OPRL1: variants seen among roughly 807,000 people sequenced by gnomAD.
OPRL1 encodes the protein nociceptin receptor.
In OPRL1, 5 loss-of-function variants were observed where a neutral mutation model predicts 15.5. That is an observed-to-expected ratio of 0.32 (90% CI 0.17 to 0.68). The LOEUF is 0.68. Among genes scored for constraint, OPRL1 ranks in the 30% least tolerant of loss-of-function variants. The pLI, the probability that OPRL1 is intolerant of heterozygous loss-of-function variation, is 0.72. For missense variants in OPRL1, 406 were observed against 515.3 expected (o/e 0.79, Z 2.05); for synonymous variants, 223 against 230.2 (o/e 0.97, Z 0.28).
Position 64,083,695 on chromosome 20 carries a change from A to G in OPRL1, c.-185+3343A>G. The G allele has an allele frequency of 7.1e-7, 1 of 1,405,202 alleles. No individual in the cohort carries two copies. The highest frequency in any genetic ancestry group is 3.2e-5 in the Admixed American group (1 of 30,926). The allele number at this position is 1,405,202 out of a possible 1,614,324, so 87.0% of individuals were successfully genotyped here. A position where few individuals can be genotyped will look rare whatever the true frequency, so the allele number is the denominator to read the frequency against. The stretch of plus-strand genomic sequence containing the variant: ...CTTCTGCCGCTGGATGAGCAGCGCG[A>G]TCTCCTCGGCCTGCGGGGCCCGGGT... On this transcript the variant is annotated intron_variant, in intron 1 of 4. Coordinates refer to ENST00000336866, the MANE Select transcript of OPRL1 (RefSeq NM_182647.4). The surrounding 1 kb of genome is among the most constrained non-coding windows in gnomAD (Gnocchi z 4.9).
chr20:64,081,086 G>A (rs1261742875), intron 1 of OPRL1, among the ~76,000 whole-genome samples: 2 of 152,034 alleles, frequency 1.3e-5, no homozygotes, highest in Admixed American at 6.5e-5. Flanking sequence ...CTGGGTGAGA[G>A]GGGGGAGGGC....
At chr20:64,080,510 T>A (rs988786964) in intron 1 of OPRL1, among the ~76,000 whole-genome samples, 158 bp downstream of exon 1, 1 of 151,932 alleles carries the variant, frequency 6.6e-6, no homozygotes, top group African/African-American at 2.4e-5. Context: ...GCATCCGGAG[T>A]CATGCCGAAT....
Position 64,083,983 on chromosome 20 carries a change from G to C in OPRL1, c.-185+3631G>C, listed in dbSNP as rs2060007375. 8 of 1,477,522 alleles carry C rather than the reference G, an allele frequency of 5.4e-6. No homozygotes were observed. Among genetic ancestry groups the C allele is most frequent in the Non-Finnish European group, 7.1e-6 (8 of 1,122,282 alleles). 91.5% of individuals were successfully genotyped at this position (1,477,522 alleles called of 1,614,324 possible). A position where few individuals can be genotyped will look rare whatever the true frequency, so the allele number is the denominator to read the frequency against. On this transcript the variant is annotated intron_variant, in intron 1 of 4. Transcript: ENST00000336866. This position sits in a 1 kb window ranked among gnomAD's most constrained non-coding sequence, Gnocchi z 4.9. Reference sequence around the variant, plus strand: ...ACCCCGGTTCCACCGACCCGCACGGGAAGGTGGAGGCCGCCGCGCCCACGT... The same window carrying C: ...ACCCCGGTTCCACCGACCCGCACGGCAAGGTGGAGGCCGCCGCGCCCACGT...
At chr20:64,096,626 C>G (rs75078255) in intron 3 of OPRL1, among the ~76,000 whole-genome samples, 143 of 152,120 alleles carry the variant, frequency 9.4e-4, no homozygotes, top group Non-Finnish European at 1.5e-3. Flanking sequence ...TATTTCCTCA[C>G]GGCAGCTACA....
At chr20:64,095,445 C>T (rs1057157627) in intron 3 of OPRL1, among the ~76,000 whole-genome samples, 2 of 150,810 alleles carry the variant, frequency 1.3e-5, no homozygotes, top group African/African-American at 4.9e-5. Flanking sequence ...GTGGATTGGG[C>T]AGGTAGAAGA....
At position 64,098,818 on chromosome 20, in the gene OPRL1, A is replaced by C. The variant is rs770725062; in HGVS notation, c.*19A>C. 2 of 1,571,584 alleles carry C rather than the reference A, an allele frequency of 1.3e-6. No individual in the cohort carries two copies. ...CGCATGACTAGGCGTGGACCTGCCC[A>C]TGGTGCCTGTCAGCCCGCAGAGCCC... On this transcript the variant is annotated 3_prime_UTR_variant, in exon 5 of 5. Coordinates refer to ENST00000336866, the MANE Select transcript of OPRL1 (RefSeq NM_182647.4).
rs1316232051 is a variant in OPRL1 at position 64,083,713 on chromosome 20, G to T, written c.-185+3361G>T. 8 of 1,374,376 alleles carry T rather than the reference G, an allele frequency of 5.8e-6. No individual in the cohort carries two copies. Among genetic ancestry groups the T allele is most frequent in the African/African-American group, 1.5e-5 (1 of 65,184 alleles). The allele number at this position is 1,374,376 out of a possible 1,614,324, so 85.1% of individuals were successfully genotyped here. A position where few individuals can be genotyped will look rare whatever the true frequency, so the allele number is the denominator to read the frequency against. On this transcript the variant is annotated intron_variant, in intron 1 of 4. Transcript: ENST00000336866. The surrounding 1 kb of genome is among the most constrained non-coding windows in gnomAD (Gnocchi z 4.9). ...CAGCGCGATCTCCTCGGCCTGCGGG[G>T]CCCGGGTAGCTGAGCGCGCGCCGAG...
chr20:64,081,104 G>A (rs1414844741), intron 1 of OPRL1, among the ~76,000 whole-genome samples: 1 of 151,798 alleles, frequency 6.6e-6, no homozygotes, highest in Non-Finnish European at 1.5e-5. Flanking sequence ...GGCTGAGGAG[G>A]GGAGGGTATT....
At chr20:64,092,562 C>T (rs1196970157) in intron 2 of OPRL1, 126 bp from the exon 3 acceptor site, 12 of 651,260 alleles carry the variant, frequency 1.8e-5, no homozygotes, top group South Asian at 1.1e-4. Context: ...TGCCCGTGTG[C>T]CTCAGTGTCT....
Position 64,092,965 on chromosome 20 carries a change from C to T in OPRL1, c.233+12C>T. On this transcript the variant is annotated intron_variant, in intron 3 of 4. Transcript: ENST00000336866. ...TACGTCATCCTCAGGTAGGCTGGGC[C>T]CCAAGGTTCCTGTCTGGTGAGTCCC... The T allele has an allele frequency of 6.2e-7, 1 of 1,609,480 alleles. No homozygotes were observed. The highest frequency in any genetic ancestry group is 8.5e-7 in the Non-Finnish European group (1 of 1,177,274).
chr20:64,091,653 G>A (rs79805091), intron 1 of OPRL1, among the ~76,000 whole-genome samples: 2,763 of 152,256 alleles, frequency 0.018, 68 homozygotes, highest in African/African-American at 0.063. Context: ...CTGTGTCTCC[G>A]TGTGAGTCGT....
Position 64,088,690 on chromosome 20 carries a change from GC to G in OPRL1, c.-184-3275del, listed in dbSNP as rs1448753676. Among the ~76,000 whole-genome samples the G allele has an allele frequency of 5.3e-3, 705 of 134,242 alleles. 2 individuals carry two copies. The highest frequency in any genetic ancestry group is 6.2e-3 in the East Asian group (28 of 4,520). The allele number at this position is 134,242 out of a possible 152,430, so 88.1% of individuals were successfully genotyped here. On this transcript the variant is annotated intron_variant, in intron 1 of 4. Coordinates refer to ENST00000336866, the MANE Select transcript of OPRL1 (RefSeq NM_182647.4). Reference sequence around the variant, plus strand: ...TCTGTGCAGAGTGGCCAGGATCTGTGCAGGGAGGCCAGGGTCTGTGCAGAGT... The same window carrying G: ...TCTGTGCAGAGTGGCCAGGATCTGTGAGGGAGGCCAGGGTCTGTGCAGAGT...
rs1393260310 is a variant in OPRL1 at position 64,089,574 on chromosome 20, TTCC to T, written c.-184-2382_-184-2380del. On this transcript the variant is annotated intron_variant, in intron 1 of 4. Coordinates refer to ENST00000336866, the MANE Select transcript of OPRL1 (RefSeq NM_182647.4). This position sits in a 1 kb window ranked among gnomAD's most constrained non-coding sequence, Gnocchi z 5.5. ...ATACTTCCTCCCCACTCCTTTCCCT[TTCC>T]TCCTCCTCCCCATCCCAACCCCTCA... 1.3e-5 allele frequency among the ~76,000 whole-genome samples: 2 copies of T among 152,106 alleles called. No individual in the cohort carries two copies. The highest frequency in any genetic ancestry group is 2.4e-5 in the African/African-American group (1 of 41,434).
At chr20:64,085,309 T>C (rs2060033971) in intron 1 of OPRL1, among the ~76,000 whole-genome samples, 1 of 152,062 alleles carries the variant, frequency 6.6e-6, no homozygotes, top group African/African-American at 2.4e-5. Context: ...GCCAGGGGGC[T>C]CTGGCCCCAG....
Position 64,098,587 on chromosome 20 carries a change from C to G in OPRL1, c.901C>G (p.Leu301Val). The G allele has an allele frequency of 6.2e-7, 1 of 1,612,872 alleles. No homozygotes were observed. The highest frequency in any genetic ancestry group is 8.5e-7 in the Non-Finnish European group (1 of 1,179,976). The change falls in exon 5 of 5, where the codon CTG becomes GTG. Residue 301 changes from leucine (L) to valine (V), a missense_variant. Coordinates refer to ENST00000336866, the MANE Select transcript of OPRL1 (RefSeq NM_182647.4). The stretch of plus-strand genomic sequence containing the variant: ...GAGCAGCGAGACTGCCGTGGCCATT[C>G]TGCGCTTCTGCACGGCCCTGGGCTA... ...QPSSETAVAI[L>V]RFCTALGYVN...
chr20:64,098,461 C>A lies in OPRL1; in HGVS notation c.775C>A (p.Arg259=). The A allele has an allele frequency of 6.2e-7, 1 of 1,613,354 alleles. No homozygotes were observed. The highest frequency in any genetic ancestry group is 8.5e-7 in the Non-Finnish European group (1 of 1,180,000). The change falls in exon 5 of 5, where the codon CGG becomes AGG. Residue 259 remains arginine, a synonymous_variant. Transcript: ENST00000336866. ...CTCCCGAGAGAAGGACCGGAACCTG[C>A]GGCGCATCACTCGGCTGGTGCTGGT... ...SGSREKDRNL[R]RITRLVLVVV... is the part of the protein sequence containing the mutation.
intron 1 of OPRL1, chr20:64,084,076 C>T: frequency 6.7e-7 from 1 of 1,494,132 alleles, no homozygotes; most frequent in Non-Finnish European, 8.8e-7. Flanking sequence ...CCAGTCCCTG[C>T]GGCGTCAGGG....
chr20:64,098,674 T>C lies in OPRL1; in HGVS notation c.988T>C (p.Phe330Leu). ...CCTGGATGAGAACTTCAAGGCCTGCTTCCGCAAGTTCTGCTGTGCATCTGC... is the reference window on the plus strand; with the variant it reads ...CCTGGATGAGAACTTCAAGGCCTGCCTCCGCAAGTTCTGCTGTGCATCTGC... ...AFLDENFKACFRKFCCASALR... is the reference protein window; with the variant it reads ...AFLDENFKACLRKFCCASALR... Residue 330 changes from phenylalanine (F) to leucine (L), a missense_variant, in exon 5 of 5, where the codon TTC (phenylalanine) becomes CTC (leucine). Transcript: ENST00000336866. The C allele has an allele frequency of 6.2e-7, 1 of 1,612,880 alleles. No individual in the cohort carries two copies. Among genetic ancestry groups the C allele is most frequent in the East Asian group, 2.2e-5 (1 of 44,882 alleles).
chr20:64,084,149 G>A (rs1797953603), intron 1 of OPRL1: 3 of 1,455,702 alleles, frequency 2.1e-6, no homozygotes, highest in East Asian at 3.0e-5. Context: ...ACCCTGCGCC[G>A]TGCCTGGCGC....
Sources: gnomAD v4.1 joint callset for allele counts (sites outside exome capture counted in the v4.1 genomes callset) on GRCh38, gnomAD v4.1.1 for gene constraint, Gnocchi (gnomAD v3.1) non-coding constraint, MANE v1.5 for transcripts, NCBI Gene and HGNC (gene_info 2026-07-23, HGNC 2026-07-21) for gene names.